TBC1D22A: variants seen among roughly 807,000 people sequenced by gnomAD.
TBC1D22A encodes TBC1 domain family member 22A.
A neutral mutation model predicts 60.2 loss-of-function variants in TBC1D22A; 38 were observed. The observed-to-expected ratio is 0.63, with a 90% CI of 0.49 to 0.83. TBC1D22A has a LOEUF of 0.83. TBC1D22A is among the 40% of genes least tolerant of loss of function. The pLI is 0.00. For missense variants in TBC1D22A, 628 were observed against 701.0 expected (o/e 0.90, Z 1.18); for synonymous variants, 302 against 281.7 (o/e 1.07, Z -0.72).
At chr22:46,933,122 A>AT (rs1165111266) in intron 8 of TBC1D22A, among the ~76,000 whole-genome samples, 2 of 151,908 alleles carry the variant, frequency 1.3e-5, no homozygotes, top group Non-Finnish European at 2.9e-5. Flanking sequence ...CCCTCTGGAA[A>AT]TTTTACATTT....
At chr22:46,835,168 A>G (rs568224862) in intron 4 of TBC1D22A, among the ~76,000 whole-genome samples, 1 of 152,328 alleles carries the variant, frequency 6.6e-6, no homozygotes, top group Non-Finnish European at 1.5e-5. Flanking sequence ...AAGACTGGGG[A>G]AAGTGACTGT....
chr22:46,779,131 G>A (rs1487556918), intron 1 of TBC1D22A, among the ~76,000 whole-genome samples: 1 of 152,216 alleles, frequency 6.6e-6, no homozygotes, highest in Non-Finnish European at 1.5e-5. Context: ...CAAGTATTAC[G>A]TACAGTACAT....
intron 8 of TBC1D22A, among the ~76,000 whole-genome samples, chr22:46,922,335 A>G (rs2070806736): frequency 1.3e-5 from 2 of 152,214 alleles, no homozygotes; most frequent in Admixed American, 6.5e-5. Context: ...ACTCACAAGT[A>G]TATTCATAAG....
intron 12 of TBC1D22A, among the ~76,000 whole-genome samples, chr22:47,169,860 T>A (rs2068362786): frequency 6.6e-6 from 1 of 152,214 alleles, no homozygotes; most frequent in South Asian, 2.1e-4. Context: ...GTGCCGTCTA[T>A]AGTTTTCTGG....
intron 4 of TBC1D22A, among the ~76,000 whole-genome samples, chr22:46,859,049 C>G: frequency 6.9e-6 from 1 of 144,880 alleles, no homozygotes; most frequent in African/African-American, 2.6e-5. Context: ...TGTGCCCCTT[C>G]CCGGGACCAG....
At chr22:47,059,003 G>A (rs2063485401) in intron 11 of TBC1D22A, among the ~76,000 whole-genome samples, 2 of 152,152 alleles carry the variant, frequency 1.3e-5, no homozygotes, top group Non-Finnish European at 1.5e-5. Context: ...TCCAGGTCCT[G>A]CGCTGGACAC....
chr22:46,915,343 C>T (rs762678615), intron 8 of TBC1D22A: 3 of 453,028 alleles, frequency 6.6e-6, no homozygotes, highest in Admixed American at 2.4e-5. Context: ...AGCCGGTAAA[C>T]CTCAGATGCT....
At chr22:46,912,837 G>C (rs943046664) in intron 8 of TBC1D22A, among the ~76,000 whole-genome samples, 8 of 152,312 alleles carry the variant, frequency 5.3e-5, no homozygotes, top group Admixed American at 2.0e-4. Flanking sequence ...TTATAGACGT[G>C]AGCTACCACG....
intron 8 of TBC1D22A, among the ~76,000 whole-genome samples, chr22:46,920,084 T>A (rs75078304): frequency 1.3e-5 from 2 of 148,996 alleles, no homozygotes; most frequent in Non-Finnish European, 1.5e-5. Context: ...TGTATGTATG[T>A]ATGAATGAAG....
At chr22:47,014,861 G>T (rs139103379) in intron 10 of TBC1D22A, among the ~76,000 whole-genome samples, 92 of 152,322 alleles carry the variant, frequency 6.0e-4, no homozygotes, top group African/African-American at 2.1e-3. Flanking sequence ...GCCATATTCT[G>T]CCAGGGAGCC....
At chr22:47,005,212 C>T (rs975524691) in intron 10 of TBC1D22A, among the ~76,000 whole-genome samples, 2 of 151,718 alleles carry the variant, frequency 1.3e-5, no homozygotes, top group Non-Finnish European at 2.9e-5. Flanking sequence ...ATCCACACCC[C>T]TCATATATAC....
At chr22:47,124,176 C>T (rs753634340) in intron 12 of TBC1D22A, among the ~76,000 whole-genome samples, 9 of 152,158 alleles carry the variant, frequency 5.9e-5, no homozygotes, top group Non-Finnish European at 8.8e-5. Flanking sequence ...ATTTGAATCC[C>T]TGCTGCTGCG....
chr22:46,883,160 G>C (rs2067935431), intron 5 of TBC1D22A, among the ~76,000 whole-genome samples: 1 of 152,184 alleles, frequency 6.6e-6, no homozygotes, highest in South Asian at 2.1e-4. Flanking sequence ...GCATTAGTGA[G>C]TCTAATGGTT....
chr22:46,973,390 G>A (rs1036383090), intron 8 of TBC1D22A, among the ~76,000 whole-genome samples: 5 of 152,218 alleles, frequency 3.3e-5, no homozygotes, highest in East Asian at 1.9e-4. Flanking sequence ...TTCACAGTGC[G>A]CAGGAGAGGG....
chr22:47,117,307 C>T (rs1029155983), intron 12 of TBC1D22A: 8 of 164,452 alleles, frequency 4.9e-5, no homozygotes, highest in African/African-American at 1.3e-4. Context: ...CACTCCACAC[C>T]GTGGCATCGA....
intron 10 of TBC1D22A, among the ~76,000 whole-genome samples, chr22:47,018,681 G>C (rs746657502): frequency 6.6e-6 from 1 of 152,140 alleles, no homozygotes; most frequent in Non-Finnish European, 1.5e-5. Context: ...CGTGAGCTGG[G>C]ACACTGGCTT....
intron 11 of TBC1D22A, among the ~76,000 whole-genome samples, chr22:47,098,033 A>G (rs1378612269): frequency 6.6e-6 from 1 of 152,016 alleles, no homozygotes; most frequent in East Asian, 1.9e-4. Flanking sequence ...TGGCTGCTTT[A>G]TTAGATACAA....
At chr22:47,094,942 A>G (rs1283769991) in intron 11 of TBC1D22A, among the ~76,000 whole-genome samples, 1 of 152,202 alleles carries the variant, frequency 6.6e-6, no homozygotes, top group Non-Finnish European at 1.5e-5. Context: ...GCCGATAAGA[A>G]TCTGGCAAAA....
At chr22:47,044,005 A>AGGTGCTGGGGAGGAGCCTGGCTGAGCG in intron 11 of TBC1D22A, among the ~76,000 whole-genome samples, 1 of 152,186 alleles carries the variant, frequency 6.6e-6, no homozygotes, top group South Asian at 2.1e-4. Context: ...TGAGCAGGGC[A>AGGTGCTGGGGAGGAGCCTGGCTGAGCG]GGGCTCCGCC....
Sources: allele counts gnomAD v4.1 joint callset (sites outside exome capture counted in the v4.1 genomes callset), GRCh38; gene constraint gnomAD v4.1.1; transcripts MANE v1.5; gene names NCBI Gene and HGNC (gene_info 2026-07-23, HGNC 2026-07-21).